The following RCL1 variants were observed in gnomAD, a reference collection of about 807,000 sequenced individuals.
RCL1 encodes the protein RNA terminal phosphate cyclase like 1.
RCL1 carries 24 observed loss-of-function variants against 42.4 expected under a neutral mutation model. That is an observed-to-expected ratio of 0.57 (90% confidence interval 0.41 to 0.80). RCL1 has a LOEUF of 0.80. Among genes scored for constraint, RCL1 ranks in the 30% least tolerant of loss-of-function variants. The pLI is 0.00. For synonymous variants in RCL1, 228 were observed against 177.3 expected (o/e 1.29, Z -2.27); for missense variants, 578 against 467.9 (o/e 1.24, Z -2.17).
chr9:4,806,619 C>CAA (rs1368960298), intron 1 of RCL1, among the ~76,000 whole-genome samples: 2 of 151,118 alleles, frequency 1.3e-5, no homozygotes, highest in African/African-American at 4.9e-5. Flanking sequence ...CACACACACA[C>CAA]ACACACACAC....
At chr9:4,858,774 G>T (rs1035081124) in intron 8 of RCL1, among the ~76,000 whole-genome samples, 2 of 152,152 alleles carry the variant, frequency 1.3e-5, no homozygotes, top group Admixed American at 6.5e-5. Flanking sequence ...GGCCAGAGTG[G>T]AGAGTTTGGC....
chr9:4,819,396 A>G (rs192564389), intron 1 of RCL1, among the ~76,000 whole-genome samples: 140 of 152,360 alleles, frequency 9.2e-4, no homozygotes, highest in Middle Eastern at 3.4e-3. Context: ...AAACAGTGTT[A>G]CTAGTTTGTT....
In RCL1 at chr9:4,831,308, C is replaced by T. The variant is rs529299363; in HGVS notation, c.385-1846C>T. ...AGCCAGAAGGAATGCTGTGTTTTTT[C>T]ACCTTTTTTTCCCTCGAGAGAGCCG... On this transcript the variant is annotated intron_variant, in intron 3 of 8. Transcript: ENST00000381750. Among the ~76,000 whole-genome samples the T allele has an allele frequency of 4.0e-5, 6 of 148,996 alleles. No homozygotes were observed. In the East Asian group the frequency reaches 9.6e-4, roughly 24 times the overall value.
intron 1 of RCL1, chr9:4,804,618 G>C (rs1265526013): frequency 6.5e-6 from 1 of 152,892 alleles, no homozygotes; most frequent in Non-Finnish European, 1.5e-5. Flanking sequence ...CACACTCCCG[G>C]CTGTAGAGGA....
Position 4,849,813 on chromosome 9 carries a change from T to C in RCL1, c.971+263T>C, listed in dbSNP as rs149138815. On this transcript the variant is annotated intron_variant, in intron 8 of 8. Coordinates refer to ENST00000381750, the MANE Select transcript of RCL1 (RefSeq NM_005772.5). The stretch of plus-strand genomic sequence containing the variant: ...GTTATTTTGTTCGTGCTTTAGATTT[T>C]GTTTCCAGGTTAGAGGTAAACTCCT... Among the ~76,000 whole-genome samples the C allele has an allele frequency of 1.9e-3, 288 of 152,370 alleles. 1 individual carries two copies. Among genetic ancestry groups the C allele is most frequent in the African/African-American group, 6.7e-3 (280 of 41,586 alleles).
intron 6 of RCL1, among the ~76,000 whole-genome samples, chr9:4,841,925 C>G (rs1400800808): frequency 6.6e-6 from 1 of 152,124 alleles, no homozygotes; most frequent in Non-Finnish European, 1.5e-5. Flanking sequence ...AATGAAGATA[C>G]CTGTTTTAGG....
At chr9:4,841,813 G>C (rs1236561666) in intron 6 of RCL1, among the ~76,000 whole-genome samples, 1 of 152,012 alleles carries the variant, frequency 6.6e-6, no homozygotes, top group Admixed American at 6.5e-5. Context: ...ACGTGAATTT[G>C]GTTTAGTGAA....
At chr9:4,828,813 A>C (rs1816856104) in intron 3 of RCL1, among the ~76,000 whole-genome samples, 1 of 152,236 alleles carries the variant, frequency 6.6e-6, no homozygotes, top group African/African-American at 2.4e-5. Flanking sequence ...TGAATTTCTC[A>C]GAAATGGGAC....
At chr9:4,799,248 A>G (rs941722662) in intron 1 of RCL1, among the ~76,000 whole-genome samples, 28 of 152,004 alleles carry the variant, frequency 1.8e-4, no homozygotes, top group African/African-American at 6.5e-4. Flanking sequence ...TGCTGAGATT[A>G]CAGGCAAGAG....
intron 6 of RCL1, among the ~76,000 whole-genome samples, chr9:4,843,121 T>C (rs1021403547): frequency 3.3e-5 from 5 of 152,210 alleles, no homozygotes; most frequent in African/African-American, 1.2e-4. Context: ...TTGTGTTTGG[T>C]TTTTTTAAAT....
Position 4,834,151 on chromosome 9 carries a change from G to T in RCL1, c.470G>T (p.Arg157Leu), listed in dbSNP as rs115862235. Residue 157 changes from arginine (R) to leucine (L), a missense_variant, in exon 5 of 9, where the codon CGG becomes CTG. Coordinates refer to ENST00000381750, the MANE Select transcript of RCL1 (RefSeq NM_005772.5). ...GESFELKIVRRGMPPGGGGEV... is the reference protein window; with the variant it reads ...GESFELKIVRLGMPPGGGGEV... Reference sequence around the variant, plus strand: ...TCACTCTCTGTGTAGATTGTGCGACGGGGAATGCCTCCCGGAGGAGGAGGC... The same window carrying T: ...TCACTCTCTGTGTAGATTGTGCGACTGGGAATGCCTCCCGGAGGAGGAGGC... 492 of 1,606,172 alleles carry T rather than the reference G, an allele frequency of 3.1e-4. 2 individuals are homozygous for T. The African/African-American group carries it at 5.7e-3, about 19-fold the overall frequency.
At chr9:4,810,664 G>A (rs1816143466) in intron 1 of RCL1, among the ~76,000 whole-genome samples, 1 of 152,088 alleles carries the variant, frequency 6.6e-6, no homozygotes. Context: ...ATATGTGTAT[G>A]TCTCTTGCCT....
At chr9:4,846,367 C>G (rs558698042) in intron 7 of RCL1, among the ~76,000 whole-genome samples, 1 of 152,304 alleles carries the variant, frequency 6.6e-6, no homozygotes, top group Non-Finnish European at 1.5e-5. Flanking sequence ...TGAAATCTTC[C>G]TGAAGGAGGA....
rs1587686255 is a variant in RCL1, at chr9:4,793,164, C to G, written c.73C>G (p.Leu25Val). The change falls in exon 1 of 9, where the codon CTG becomes GTG. Residue 25 changes from leucine (L) to valine (V), a missense_variant. Transcript: ENST00000381750. ...FLRQRLVLST[L>V]SGRPVKIRKI... ...GCGCCAACGTCTGGTCCTGTCTACCCTGAGCGGGCGCCCCGTCAAAATCCG... is the reference window on the plus strand; with the variant it reads ...GCGCCAACGTCTGGTCCTGTCTACCGTGAGCGGGCGCCCCGTCAAAATCCG... 2.5e-6 allele frequency: 4 copies of G among 1,611,720 alleles called. No homozygotes were observed. Among genetic ancestry groups the G allele is most frequent in the Non-Finnish European group, 3.4e-6 (4 of 1,179,084 alleles).
chr9:4,824,237 G>A (rs1051418351), intron 2 of RCL1, among the ~76,000 whole-genome samples: 2 of 152,162 alleles, frequency 1.3e-5, no homozygotes, highest in Admixed American at 6.5e-5. Context: ...TGCAAAAGAT[G>A]TGAACATCCC....
intron 1 of RCL1, among the ~76,000 whole-genome samples, chr9:4,808,148 G>A (rs187721586): frequency 2.6e-5 from 4 of 151,840 alleles, no homozygotes; most frequent in South Asian, 2.1e-4. Context: ...GAGAGGGGTC[G>A]CTGACAATAA....
At chr9:4,795,751 G>C (rs1587687961) in intron 1 of RCL1, among the ~76,000 whole-genome samples, 1 of 152,202 alleles carries the variant, frequency 6.6e-6, no homozygotes, top group African/African-American at 2.4e-5. Flanking sequence ...TGGAGGGTAG[G>C]GATAGTATGG....
At chr9:4,858,831 A>T (rs1182222009) in intron 8 of RCL1, among the ~76,000 whole-genome samples, 1 of 152,200 alleles carries the variant, frequency 6.6e-6, no homozygotes, top group Non-Finnish European at 1.5e-5. Context: ...GTAATACTTC[A>T]CTATAGATGT....
intron 3 of RCL1, among the ~76,000 whole-genome samples, chr9:4,832,506 A>G (rs140351478): frequency 1.6e-3 from 251 of 152,318 alleles, no homozygotes; most frequent in African/African-American, 5.7e-3. Flanking sequence ...GTTTATACCT[A>G]TAAGAATGAG....
Sources: allele counts gnomAD v4.1 joint callset (sites outside exome capture counted in the v4.1 genomes callset), GRCh38; gene constraint gnomAD v4.1.1; transcripts MANE v1.5; gene names NCBI Gene and HGNC (gene_info 2026-07-23, HGNC 2026-07-21).